PTPN11: variants seen among roughly 807,000 people sequenced by gnomAD.
PTPN11 encodes protein tyrosine phosphatase non-receptor type 11, also known as tyrosine-protein phosphatase non-receptor type 11.
A neutral mutation model predicts 78.8 loss-of-function variants in PTPN11; 6 were observed. That is an observed-to-expected ratio of 0.08 (90% confidence interval 0.04 to 0.15). The LOEUF (loss-of-function observed/expected upper bound fraction) is 0.15. Ranked by LOEUF, PTPN11 falls within the 10% of genes least tolerant of loss-of-function variation. The pLI is 1.00. For synonymous variants in PTPN11, 221 were observed against 263.5 expected (o/e 0.84, Z 1.56); for missense variants, 386 against 744.8 (o/e 0.52, Z 5.61).
At chr12:112,490,322 T>C (rs2038730756) in intron 13 of PTPN11, among the ~76,000 whole-genome samples, 1 of 150,874 alleles carries the variant, frequency 6.6e-6, no homozygotes, top group Non-Finnish European at 1.5e-5. Context: ...TTTTTTTTTT[T>C]TGAGAGAGAG....
At chr12:112,478,493 C>T (rs1359808757) in intron 9 of PTPN11, among the ~76,000 whole-genome samples, 1 of 151,962 alleles carries the variant, frequency 6.6e-6, no homozygotes, top group Non-Finnish European at 1.5e-5. Context: ...TCTCATAGCC[C>T]ACTGATACTT....
Position 112,487,674 on chromosome 12 carries a change from C to G in PTPN11, c.1380-769C>G, listed in dbSNP as rs185399124. Among the ~76,000 whole-genome samples the G allele has an allele frequency of 2.0e-5, 3 of 152,204 alleles. No homozygotes were observed. In the East Asian group the frequency reaches 5.8e-4, roughly 29 times the overall value. On this transcript the variant is annotated intron_variant, in intron 11 of 15. Coordinates refer to ENST00000351677, the MANE Select transcript of PTPN11 (RefSeq NM_002834.5). ...GATATATGTGAAAGTGTTTATTTGT[C>G]CAGTTGTTAAAGAAGCTACCATTTA... is the stretch of plus-strand genomic sequence containing the variant.
chr12:112,476,626 A>G (rs1010663902), intron 7 of PTPN11, among the ~76,000 whole-genome samples: 14 of 152,108 alleles, frequency 9.2e-5, no homozygotes, highest in Non-Finnish European at 2.1e-4. Flanking sequence ...AAAATTAGCC[A>G]GATGTGGTGG....
Position 112,486,598 on chromosome 12 carries a change from A to T in PTPN11, c.1348A>T (p.Met450Leu), listed in dbSNP as rs2038680566. 1.9e-6 allele frequency: 3 copies of T among 1,613,456 alleles called. No homozygotes were observed. Among genetic ancestry groups the T allele is most frequent in the Non-Finnish European group, 2.5e-6 (3 of 1,180,028 alleles). Residue 450 changes from methionine (M) to leucine (L), a missense_variant, in exon 11 of 16, where the codon ATG (methionine) becomes TTG (leucine). Met to Leu is a conservative substitution (Grantham distance 15, BLOSUM62 2). Transcript: ENST00000351677. The part of the protein sequence containing the change: ...EEVHHKQESI[M>L]DAGPVVVHCS... ...GGTGCACCATAAGCAGGAGAGCATCATGGATGCAGGGCCGGTCGTGGTGCA... is the reference window on the plus strand; with the variant it reads ...GGTGCACCATAAGCAGGAGAGCATCTTGGATGCAGGGCCGGTCGTGGTGCA...
chr12:112,440,268 C>G (rs888775556), intron 1 of PTPN11, among the ~76,000 whole-genome samples: 12 of 152,100 alleles, frequency 7.9e-5, no homozygotes, highest in African/African-American at 2.9e-4. Context: ...AAATTCTATT[C>G]TGTCTCAATT....
intron 10 of PTPN11, among the ~76,000 whole-genome samples, chr12:112,484,903 TA>T (rs1361264849): frequency 1.4e-5 from 2 of 147,566 alleles, no homozygotes; most frequent in Non-Finnish European, 3.0e-5. Context: ...TAAAATAAAA[TA>T]AAAAAATTAA....
intron 2 of PTPN11, 108 bp downstream of exon 2, chr12:112,446,506 C>A: frequency 6.6e-7 from 1 of 1,514,118 alleles, no homozygotes; most frequent in Non-Finnish European, 9.1e-7. Flanking sequence ...AAGGCCTTAT[C>A]TGAGCCCTGG....
chr12:112,442,857 T>A (rs1325156788), intron 1 of PTPN11, among the ~76,000 whole-genome samples: 1 of 76,140 alleles, frequency 1.3e-5, no homozygotes, highest in East Asian at 6.4e-3. Context: ...TATATATATA[T>A]ATATATATAT....
rs1343405941 is a variant in PTPN11 at position 112,482,668 on chromosome 12, T to C, written c.1224+463T>C. 6.6e-6 allele frequency among the ~76,000 whole-genome samples: 1 copy of C among 152,196 alleles called. No individual in the cohort carries two copies. Among genetic ancestry groups the C allele is most frequent in the Non-Finnish European group, 1.5e-5 (1 of 68,040 alleles). ...AGACTTCAGCAGTTGTTCTTTTTTGTTCCTTCCTTTGGAATGGAATATTAT... is the reference window on the plus strand; with the variant it reads ...AGACTTCAGCAGTTGTTCTTTTTTGCTCCTTCCTTTGGAATGGAATATTAT... On this transcript the variant is annotated intron_variant, in intron 10 of 15. Transcript: ENST00000351677. The surrounding 1 kb of genome is among the most constrained non-coding windows in gnomAD (Gnocchi z 4.4).
chr12:112,449,909 T>C (rs1305116852), intron 2 of PTPN11, among the ~76,000 whole-genome samples: 16 of 151,960 alleles, frequency 1.1e-4, no homozygotes, highest in Admixed American at 1.1e-3. Context: ...CTACTAAAAA[T>C]ACAAAAGTAG....
At chr12:112,502,536 C>T (rs2038888685) in intron 14 of PTPN11, among the ~76,000 whole-genome samples, 3 of 152,270 alleles carry the variant, frequency 2.0e-5, no homozygotes, top group Admixed American at 2.0e-4. Context: ...ACTTTGAAGT[C>T]AGGAGTTCGA....
chr12:112,429,790 A>T (rs905512970), intron 1 of PTPN11, among the ~76,000 whole-genome samples: 6 of 150,224 alleles, frequency 4.0e-5, no homozygotes, highest in Admixed American at 6.6e-5. Flanking sequence ...GTGACAGAGC[A>T]GGACTCCGTC....
intron 3 of PTPN11, 44 bp from the exon 4 acceptor site, chr12:112,453,151 C>A (rs751408788): frequency 1.3e-6 from 2 of 1,525,624 alleles, no homozygotes; most frequent in Non-Finnish European, 1.8e-6. Context: ...ACAACATGAA[C>A]CCATAGTAGA....
At chr12:112,500,310 T>TAA (rs2038860027) in intron 13 of PTPN11, among the ~76,000 whole-genome samples, 1 of 152,220 alleles carries the variant, frequency 6.6e-6, no homozygotes, top group African/African-American at 2.4e-5. Context: ...AATTTTGAAT[T>TAA]ATATTGTATC....
intron 10 of PTPN11, among the ~76,000 whole-genome samples, chr12:112,483,377 C>T (rs528377833): frequency 1.3e-5 from 2 of 152,114 alleles, no homozygotes; most frequent in African/African-American, 2.4e-5. Flanking sequence ...TTTATAGAGA[C>T]GGTTGTCTCA....
chr12:112,460,502 A>G (rs2135878574), intron 6 of PTPN11, among the ~76,000 whole-genome samples: 1 of 152,282 alleles, frequency 6.6e-6, no homozygotes, highest in East Asian at 1.9e-4. Context: ...CATTTTTCAG[A>G]TAAGCTTCAC....
intron 1 of PTPN11, among the ~76,000 whole-genome samples, chr12:112,430,696 A>G (rs1837423048): frequency 6.6e-6 from 1 of 151,552 alleles, no homozygotes; most frequent in African/African-American, 2.4e-5. Flanking sequence ...AGTAGCTATG[A>G]CTATAGGCAT....
At chr12:112,481,218 CAG>C (rs1260708497) in intron 9 of PTPN11, among the ~76,000 whole-genome samples, 2 of 152,174 alleles carry the variant, frequency 1.3e-5, no homozygotes, top group Non-Finnish European at 2.9e-5. Flanking sequence ...GGAAATGAAA[CAG>C]ACAGTCTGGC....
chr12:112,445,567 TG>T (rs1421961788), intron 1 of PTPN11, among the ~76,000 whole-genome samples: 4 of 152,334 alleles, frequency 2.6e-5, no homozygotes, highest in Admixed American at 2.6e-4. Flanking sequence ...TTCTCATATT[TG>T]TGTCTCCCCA....
Sources: allele counts gnomAD v4.1 joint callset (sites outside exome capture counted in the v4.1 genomes callset), GRCh38; gene constraint gnomAD v4.1.1; non-coding constraint Gnocchi (gnomAD v3.1); transcripts MANE v1.5; gene names NCBI Gene and HGNC (gene_info 2026-07-23, HGNC 2026-07-21).